IFT140: variants seen among roughly 807,000 people sequenced by gnomAD.
The protein encoded by IFT140 is intraflagellar transport protein 140 homolog.
In IFT140, 133 loss-of-function variants were observed where a neutral mutation model predicts 164.6. The observed-to-expected ratio is 0.81, with a 90% confidence interval of 0.70 to 0.93. The LOEUF (loss-of-function observed/expected upper bound fraction) is 0.93, where lower values mean the gene tolerates loss of function less well. Ranked by LOEUF, IFT140 falls within the 40% of genes least tolerant of loss-of-function variation. The probability of loss-of-function intolerance (pLI) is 0.00; values close to 1 mark genes in which losing one functional copy is unlikely to be tolerated. For missense variants in IFT140, 2,045 were observed against 1,972.3 expected (o/e 1.04, Z -0.70); for synonymous variants, 860 against 817.3 (o/e 1.05, Z -0.89).
chr16:1,534,530 C>T (rs1367821895), intron 19 of IFT140: 1 of 1,605,630 alleles, frequency 6.2e-7, no homozygotes, highest in Admixed American at 1.7e-5. Flanking sequence ...CAGCCGGCTT[C>T]CAGGAGTCCC....
intron 24 of IFT140, chr16:1,524,178 C>T (rs1280600264): frequency 1.5e-6 from 1 of 648,062 alleles, no homozygotes; most frequent in Non-Finnish European, 2.6e-6. Context: ...CAAGAAATAC[C>T]TGACACGGGA....
chr16:1,517,580 T>G (rs1461637883), intron 30 of IFT140, among the ~76,000 whole-genome samples: 3 of 152,164 alleles, frequency 2.0e-5, no homozygotes, highest in Non-Finnish European at 4.4e-5. Flanking sequence ...AGGAAAACGC[T>G]AGAACACTGC....
chr16:1,519,837 G>A (rs766307016), intron 29 of IFT140, 44 bp downstream of exon 29: 5 of 1,499,772 alleles, frequency 3.3e-6, no homozygotes, highest in Non-Finnish European at 4.4e-6. Context: ...CGGCCCTGTA[G>A]TCACATCTGC....
In IFT140 at chr16:1,520,607, G is replaced by A; in HGVS notation, c.3655C>T (p.Leu1219=). 6.3e-7 allele frequency: 1 copy of A among 1,580,568 alleles called. No individual in the cohort carries two copies. Among genetic ancestry groups the A allele is most frequent in the African/African-American group, 1.3e-5 (1 of 74,300 alleles). ...TGGGGCCGGGAGAGGCTCACCTTCAGCTTGTTGCCGGCCTGCGTGTACTTC... is the reference window on the plus strand; with the variant it reads ...TGGGGCCGGGAGAGGCTCACCTTCAACTTGTTGCCGGCCTGCGTGTACTTC... The part of the protein sequence containing the change: ...TKKYTQAGNK[L]KAMRALLKSG... The change falls in exon 27 of 31, where the codon CTG becomes TTG. Residue 1219 remains leucine, a synonymous_variant. Coordinates refer to ENST00000426508, the MANE Select transcript of IFT140 (RefSeq NM_014714.4).
chr16:1,534,674 C>A, intron 19 of IFT140: 1 of 1,438,316 alleles, frequency 7.0e-7, no homozygotes, highest in South Asian at 1.2e-5. Flanking sequence ...CTGCCCTGAG[C>A]GTGGCCTCTG....
intron 19 of IFT140, among the ~76,000 whole-genome samples, chr16:1,536,865 G>A (rs991883061): frequency 1.3e-5 from 2 of 152,168 alleles, no homozygotes; most frequent in Non-Finnish European, 1.5e-5. Context: ...CCCCACTCAC[G>A]TGCACCCATG....
chr16:1,527,031 A>C, intron 19 of IFT140: 1 of 529,752 alleles, frequency 1.9e-6, no homozygotes, highest in Non-Finnish European at 3.3e-6. Context: ...GTCCCATTAA[A>C]AGACAGAAGG....
intron 18 of IFT140, among the ~76,000 whole-genome samples, chr16:1,560,400 A>C (rs926640192): frequency 1.3e-5 from 2 of 152,220 alleles, no homozygotes; most frequent in African/African-American, 4.8e-5. Context: ...AATGCTGTTA[A>C]TTCATCACTG....
intron 3 of IFT140, among the ~76,000 whole-genome samples, chr16:1,603,315 C>T (rs1567429957): frequency 6.6e-6 from 1 of 152,026 alleles, no homozygotes; most frequent in Non-Finnish European, 1.5e-5. Flanking sequence ...TCCAGAGACC[C>T]CAGGACCCTT....
intron 19 of IFT140, among the ~76,000 whole-genome samples, chr16:1,544,322 T>C (rs1297953264): frequency 1.3e-5 from 2 of 152,010 alleles, no homozygotes; most frequent in East Asian, 1.9e-4. Flanking sequence ...CAGCTGGGAC[T>C]ACAGGCGCCC....
intron 19 of IFT140, among the ~76,000 whole-genome samples, chr16:1,529,526 C>T (rs909201814): frequency 6.6e-6 from 1 of 152,212 alleles, no homozygotes; most frequent in Non-Finnish European, 1.5e-5. Flanking sequence ...CTCCGATTCG[C>T]GCTCCTCAGT....
rs2034739931 is a variant in IFT140 at position 1,584,216 on chromosome 16, C to G, written c.1359+1G>C. 1.9e-6 allele frequency: 3 copies of G among 1,612,818 alleles called. No homozygotes were observed. The highest frequency in any genetic ancestry group is 2.5e-6 in the Non-Finnish European group (3 of 1,179,542). On this transcript the variant is annotated splice_donor_variant, in intron 11 of 30. Coordinates refer to ENST00000426508, the MANE Select transcript of IFT140 (RefSeq NM_014714.4). LOFTEE classifies it high-confidence loss of function. Reference sequence around the variant, plus strand: ...CACCCACGGGTCCCCTCGGCAGTCACCTTGGTGGCAAACACTCCACTGATG... The same window carrying G: ...CACCCACGGGTCCCCTCGGCAGTCAGCTTGGTGGCAAACACTCCACTGATG...
intron 21 of IFT140, 132 bp downstream of exon 21, chr16:1,525,755 G>A: frequency 1.0e-6 from 1 of 961,436 alleles, no homozygotes; most frequent in Non-Finnish European, 1.5e-6. Context: ...CTGCCGAGAA[G>A]GCTGCCACCA....
At chr16:1,538,620 C>T (rs1033874972) in intron 19 of IFT140, among the ~76,000 whole-genome samples, 2 of 152,170 alleles carry the variant, frequency 1.3e-5, no homozygotes, top group African/African-American at 4.8e-5. Context: ...TGTTTTAATG[C>T]CTCCCTCATT....
intron 13 of IFT140, chr16:1,579,601 G>A (rs1486119518): frequency 6.6e-6 from 1 of 152,200 alleles, no homozygotes; most frequent in Non-Finnish European, 1.5e-5. Context: ...TCAACACACT[G>A]TGTCTGCCCC....
At chr16:1,565,250 C>T (rs1306917009) in intron 16 of IFT140, among the ~76,000 whole-genome samples, 1 of 152,160 alleles carries the variant, frequency 6.6e-6, no homozygotes. Context: ...GGCCCAAGAA[C>T]AGTGGCAGCA....
At position 1,598,437 on chromosome 16, in the gene IFT140, G is replaced by A. The variant is rs893475985; in HGVS notation, c.369+3933C>T. Reference sequence around the variant, plus strand: ...GGCGCCACTGCACTCCAGCCTGAGCGACAGAGTGAGACTCTGTCTCAAAAA... The same window carrying A: ...GGCGCCACTGCACTCCAGCCTGAGCAACAGAGTGAGACTCTGTCTCAAAAA... On this transcript the variant is annotated intron_variant, in intron 4 of 30. Coordinates refer to ENST00000426508, the MANE Select transcript of IFT140 (RefSeq NM_014714.4). Among the ~76,000 whole-genome samples, 20 of 152,092 alleles carry A rather than the reference G, an allele frequency of 1.3e-4. 1 individual carries two copies. Among genetic ancestry groups the A allele is most frequent in the South Asian group, 8.3e-4 (4 of 4,816 alleles).
In IFT140 at chr16:1,592,627, C is replaced by T. The variant is rs757396184; in HGVS notation, c.370-39G>A. 1.3e-5 allele frequency: 21 copies of T among 1,583,916 alleles called. No homozygotes were observed. The East Asian group carries it at 1.6e-4, about 12-fold the overall frequency. On this transcript the variant is annotated intron_variant, in intron 4 of 30. Transcript: ENST00000426508. ...ACACCACGTGTTAGGACAGGTGTCC[C>T]GGCAGAGCGACTGGTGGAGGGACAG... is the stretch of plus-strand genomic sequence containing the variant.
intron 19 of IFT140, among the ~76,000 whole-genome samples, chr16:1,549,962 G>T (rs1015491801): frequency 1.3e-5 from 2 of 152,108 alleles, no homozygotes; most frequent in East Asian, 1.9e-4. Flanking sequence ...TACATTCTGA[G>T]TCTTTTTTTC....
Sources: gnomAD v4.1 joint callset for allele counts (sites outside exome capture counted in the v4.1 genomes callset) on GRCh38, gnomAD v4.1.1 for gene constraint, MANE v1.5 for transcripts, NCBI Gene and HGNC (gene_info 2026-07-23, HGNC 2026-07-21) for gene names.